SLC7A11: variants seen among roughly 807,000 people sequenced by gnomAD.
SLC7A11 encodes the protein cystine/glutamate transporter.
Under a neutral mutation model 54.5 loss-of-function variants are expected in SLC7A11, and 35 were observed. The observed-to-expected ratio is 0.64, with a 90% CI of 0.49 to 0.85. SLC7A11 has a LOEUF of 0.85. SLC7A11 is among the 40% of genes least tolerant of loss of function. The pLI is 0.00. For synonymous variants in SLC7A11, 230 were observed against 225.2 expected (o/e 1.02, Z -0.19); for missense variants, 583 against 618.1 (o/e 0.94, Z 0.60).
At chr4:138,195,858 G>A (rs6832143) in intron 6 of SLC7A11, among the ~76,000 whole-genome samples, 68,250 of 151,938 alleles carry the variant, frequency 0.45, 15,704 homozygotes, top group East Asian at 0.61. Flanking sequence ...TTGTCAGGAC[G>A]GTTTGTTATC....
At position 138,170,130 on chromosome 4, in the gene SLC7A11, A is replaced by C. The variant is rs1031321950; in HGVS notation, c.*1826T>G. Reference sequence around the variant, plus strand: ...GATGAAACATACTCTGGCCATGACTAACCATTTTACCTTAGATGTTTATAA... The same window carrying C: ...GATGAAACATACTCTGGCCATGACTCACCATTTTACCTTAGATGTTTATAA... On this transcript the variant is annotated 3_prime_UTR_variant, in exon 12 of 12. Transcript: ENST00000280612. 1 of 148,426 alleles carries C rather than the reference A, an allele frequency of 6.7e-6. No homozygotes were observed. Among genetic ancestry groups the C allele is most frequent in the African/African-American group, 2.5e-5 (1 of 40,650 alleles). The allele number at this position is 148,426 out of a possible 1,614,324, so 9.2% of individuals were successfully genotyped here.
chr4:138,220,719 G>T (rs1032864792), intron 4 of SLC7A11, among the ~76,000 whole-genome samples: 7 of 152,106 alleles, frequency 4.6e-5, no homozygotes, highest in Admixed American at 2.0e-4. Context: ...TACCCAAATG[G>T]GAAGTGAGAC....
intron 6 of SLC7A11, among the ~76,000 whole-genome samples, chr4:138,212,580 T>A (rs62324385): frequency 0.17 from 25,264 of 151,270 alleles, 2,273 homozygotes; most frequent in East Asian, 0.32. Context: ...ATCATGGACA[T>A]TATCAGTAGT....
intron 6 of SLC7A11, among the ~76,000 whole-genome samples, chr4:138,213,684 A>G (rs535985109): frequency 6.6e-6 from 1 of 152,034 alleles, no homozygotes; most frequent in South Asian, 2.1e-4. Context: ...CTTTTTGCCA[A>G]ACTGGATAAA....
In SLC7A11 at chr4:138,169,380, ACTT is replaced by A. The variant is rs1282839714; in HGVS notation, c.*2573_*2575del. ...AGTCCTAAAAATAAGCCAAAATACT[ACTT>A]AATCTCCATCACTTTTTTTCTTAAT... is the stretch of plus-strand genomic sequence containing the variant. On this transcript the variant is annotated 3_prime_UTR_variant, in exon 12 of 12. Transcript: ENST00000280612. 5.3e-5 allele frequency: 8 copies of A among 152,148 alleles called. 1 individual carries two copies. The highest frequency in any genetic ancestry group is 1.2e-4 in the African/African-American group (5 of 41,444). 9.4% of individuals were successfully genotyped at this position (152,148 alleles called of 1,614,324 possible).
rs531633341 is a variant in SLC7A11, at chr4:138,180,906, T to C, written c.1117-116A>G. On this transcript the variant is annotated intron_variant, in intron 9 of 11. Coordinates refer to ENST00000280612, the MANE Select transcript of SLC7A11 (RefSeq NM_014331.4). The stretch of plus-strand genomic sequence containing the variant: ...CAAATAATTATTTATACCGATAAAT[T>C]ATCATCATAGTTAAAACTTGGATTT... 3.3e-4 allele frequency: 308 copies of C among 926,086 alleles called. 2 individuals are homozygous for C. The African/African-American group carries it at 4.6e-3, about 14-fold the overall frequency. The allele number at this position is 926,086 out of a possible 1,614,324, so 57.4% of individuals were successfully genotyped here.
chr4:138,219,415 A>C (rs1462672383), intron 4 of SLC7A11, 50 bp from the exon 5 acceptor site: 1 of 1,084,882 alleles, frequency 9.2e-7, no homozygotes, highest in African/African-American at 1.5e-5. Context: ...ATTGGTTCTT[A>C]TTCACTCTTA....
intron 7 of SLC7A11, among the ~76,000 whole-genome samples, chr4:138,184,148 C>T (rs1736818152): frequency 6.6e-6 from 1 of 152,120 alleles, no homozygotes; most frequent in African/African-American, 2.4e-5. Context: ...TGCCCTTTGT[C>T]TCAAAAGATG....
intron 9 of SLC7A11, among the ~76,000 whole-genome samples, chr4:138,181,471 G>A (rs1220172911): frequency 6.6e-6 from 1 of 151,944 alleles, no homozygotes; most frequent in African/African-American, 2.4e-5. Flanking sequence ...CCCTCTTCAC[G>A]GAATAATACA....
At chr4:138,172,970 A>G (rs909377179) in intron 11 of SLC7A11, among the ~76,000 whole-genome samples, 14 of 151,890 alleles carry the variant, frequency 9.2e-5, no homozygotes, top group Non-Finnish European at 1.8e-4. Flanking sequence ...CAGCCTCCCA[A>G]GTAGCTGGGA....
intron 6 of SLC7A11, among the ~76,000 whole-genome samples, chr4:138,200,071 C>T (rs1194789719): frequency 1.2e-4 from 18 of 152,116 alleles, no homozygotes. Context: ...TTCTTTTTGT[C>T]ATTTTCTGGC....
In SLC7A11 at chr4:138,167,073, T is replaced by A. The variant is rs1021789064; in HGVS notation, c.*4883A>T. 2 of 152,038 alleles carry A rather than the reference T, an allele frequency of 1.3e-5. No homozygotes were observed. The highest frequency in any genetic ancestry group is 1.5e-5 in the Non-Finnish European group (1 of 67,978). The allele number at this position is 152,038 out of a possible 1,614,324, so 9.4% of individuals were successfully genotyped here. ...CCCAAAATTGACTATTAAAAAATAA[T>A]TTTTAAGTACAGTACTAATAAACTA... is the stretch of plus-strand genomic sequence containing the variant. On this transcript the variant is annotated 3_prime_UTR_variant, in exon 12 of 12. Transcript: ENST00000280612.
At chr4:138,213,520 G>A (rs1393884083) in intron 6 of SLC7A11, among the ~76,000 whole-genome samples, 1 of 147,130 alleles carries the variant, frequency 6.8e-6, no homozygotes, top group Non-Finnish European at 1.5e-5. Context: ...GTTTGTTTGT[G>A]TTTGTGTTTC....
At chr4:138,211,223 A>G (rs567429175) in intron 6 of SLC7A11, among the ~76,000 whole-genome samples, 1 of 151,994 alleles carries the variant, frequency 6.6e-6, no homozygotes, top group African/African-American at 2.4e-5. Context: ...GGAACAATAA[A>G]TACTGGGGAC....
In SLC7A11 at chr4:138,169,637, T is replaced by C. The variant is rs1252702153; in HGVS notation, c.*2319A>G. On this transcript the variant is annotated 3_prime_UTR_variant, in exon 12 of 12. Transcript: ENST00000280612. ...AAGAGCCAAGAACTACACAAACCTC[T>C]CTATGAGAATTTACCAGTCTTCTTT... The C allele has an allele frequency of 6.6e-6, 1 of 152,006 alleles. No individual in the cohort carries two copies. The highest frequency in any genetic ancestry group is 1.5e-5 in the Non-Finnish European group (1 of 67,978). The allele number at this position is 152,006 out of a possible 1,614,324, so 9.4% of individuals were successfully genotyped here.
chr4:138,200,679 TA>T (rs1275689109), intron 6 of SLC7A11, among the ~76,000 whole-genome samples: 1 of 152,168 alleles, frequency 6.6e-6, no homozygotes, highest in Non-Finnish European at 1.5e-5. Context: ...CTGTGGCTTC[TA>T]TTTCGTTAGC....
chr4:138,179,042 G>A (rs575009048), intron 11 of SLC7A11, among the ~76,000 whole-genome samples, 175 bp downstream of exon 11: 10 of 152,172 alleles, frequency 6.6e-5, no homozygotes, highest in African/African-American at 1.9e-4. Flanking sequence ...AGGATTCAAC[G>A]GCTGTACCCT....
chr4:138,200,339 C>G (rs1737247169), intron 6 of SLC7A11, among the ~76,000 whole-genome samples: 1 of 152,118 alleles, frequency 6.6e-6, no homozygotes, highest in African/African-American at 2.4e-5. Context: ...ATCTTCTAAC[C>G]AAATGACCTT....
Position 138,180,659 on chromosome 4 carries a change from A to G in SLC7A11, c.1248T>C (p.Asp416=). Reference sequence around the variant, plus strand: ...AGGTTACCTTGAAAGGACGATGCATATCTGGGCATTTGTATCGAAGATAAA... The same window carrying G: ...AGGTTACCTTGAAAGGACGATGCATGTCTGGGCATTTGTATCGAAGATAAA... ...GLIYLRYKCP[D]MHRPFKVPLF... The change falls in exon 10 of 12, where the codon GAT becomes GAC. Residue 416 remains aspartate (D), a synonymous_variant. Transcript: ENST00000280612. 1 of 1,612,982 alleles carries G rather than the reference A, an allele frequency of 6.2e-7. No homozygotes were observed. Among genetic ancestry groups the G allele is most frequent in the Non-Finnish European group, 8.5e-7 (1 of 1,179,372 alleles).
Sources: allele counts gnomAD v4.1 joint callset (sites outside exome capture counted in the v4.1 genomes callset), GRCh38; gene constraint gnomAD v4.1.1; transcripts MANE v1.5; gene names NCBI Gene and HGNC (gene_info 2026-07-23, HGNC 2026-07-21).